Variants in HEXB observed in about 807,000 individuals in gnomAD.
The protein encoded by HEXB is hexosaminidase subunit beta, also known as beta-hexosaminidase subunit beta.
A neutral mutation model predicts 71.2 loss-of-function variants in HEXB; 51 were observed. The observed-to-expected ratio is 0.72, with a 90% CI of 0.57 to 0.90. The LOEUF (loss-of-function observed/expected upper bound fraction) is 0.90, where lower values mean the gene tolerates loss of function less well. Ranked by LOEUF, HEXB falls within the 40% of genes least tolerant of loss-of-function variation. The pLI is 0.00. For synonymous variants in HEXB, 266 were observed against 249.3 expected (o/e 1.07, Z -0.63); for missense variants, 617 against 677.0 (o/e 0.91, Z 0.98).
At chr5:74,694,550 G>A (rs771919019) in intron 3 of HEXB, among the ~76,000 whole-genome samples, 9 of 152,116 alleles carry the variant, frequency 5.9e-5, no homozygotes, top group Non-Finnish European at 1.0e-4. Context: ...GACATTTGCT[G>A]TTCAAAAGTT....
intron 11 of HEXB, 152 bp downstream of exon 11, chr5:74,719,123 G>C (rs141246035): frequency 5.4e-6 from 4 of 735,764 alleles, no homozygotes; most frequent in Non-Finnish European, 9.7e-6. Context: ...TATCTTTTAT[G>C]TTTGATCCTT....
At chr5:74,678,391 C>A (rs1022128254) in intron 1 of HEXB, among the ~76,000 whole-genome samples, 16 of 151,804 alleles carry the variant, frequency 1.1e-4, no homozygotes, top group African/African-American at 3.6e-4. Flanking sequence ...AATATGCAGA[C>A]CAACAGAACA....
rs775599640 is a variant in HEXB at position 74,697,723 on chromosome 5, G to C, written c.669+617G>C. 1.8e-3 allele frequency among the ~76,000 whole-genome samples: 111 copies of C among 61,286 alleles called. 2 individuals are homozygous for C. Among genetic ancestry groups the C allele is most frequent in the Admixed American group, 6.1e-4 (3 of 4,954 alleles). 40.2% of individuals were successfully genotyped at this position (61,286 alleles called of 152,430 possible). ...AGCCTGGGCGACAGAGCAAGACTCT[G>C]TCTCAAAAAAAAAAAAAAAAAAAGG... is the stretch of plus-strand genomic sequence containing the variant. On this transcript the variant is annotated intron_variant, in intron 5 of 13. Transcript: ENST00000261416.
intron 1 of HEXB, among the ~76,000 whole-genome samples, chr5:74,655,066 C>G (rs577052050): frequency 1.3e-5 from 2 of 152,224 alleles, no homozygotes; most frequent in South Asian, 4.1e-4. Flanking sequence ...GTGAGCCCCC[C>G]AAGAGAGGCT....
At chr5:74,666,157 C>G (rs183074153) in intron 1 of HEXB, among the ~76,000 whole-genome samples, 1 of 152,116 alleles carries the variant, frequency 6.6e-6, no homozygotes, top group Non-Finnish European at 1.5e-5. Context: ...TCCAGGGGCT[C>G]GACTGCAAAC....
chr5:74,664,854 C>T (rs886468976), intron 1 of HEXB, among the ~76,000 whole-genome samples: 1 of 152,156 alleles, frequency 6.6e-6, no homozygotes, highest in African/African-American at 2.4e-5. Context: ...TACTATGGAA[C>T]TGTTCCTAAT....
intron 11 of HEXB, chr5:74,720,072 C>CT (rs1411200829): frequency 6.6e-6 from 2 of 301,556 alleles, no homozygotes; most frequent in African/African-American, 2.1e-5. Flanking sequence ...CCCTGGCACA[C>CT]TACTAAATAG....
intron 1 of HEXB, among the ~76,000 whole-genome samples, chr5:74,653,285 G>A (rs928183597): frequency 6.6e-6 from 1 of 152,120 alleles, no homozygotes; most frequent in Admixed American, 6.6e-5. Flanking sequence ...TTTAAAAAAA[G>A]TAGCTGTCCC....
chr5:74,700,704 T>G (rs746946743), intron 5 of HEXB, among the ~76,000 whole-genome samples: 1 of 151,998 alleles, frequency 6.6e-6, no homozygotes, highest in African/African-American at 2.4e-5. Flanking sequence ...CATTTACATT[T>G]TATTTATTTA....
At chr5:74,657,290 A>T (rs974081593) in intron 1 of HEXB, among the ~76,000 whole-genome samples, 2 of 152,110 alleles carry the variant, frequency 1.3e-5, no homozygotes, top group African/African-American at 4.8e-5. Context: ...TTGTCCCCAG[A>T]TACCCACCAC....
At position 74,721,172 on chromosome 5, in the gene HEXB, G is replaced by A. The variant is rs1483775046; in HGVS notation, c.1668G>A (p.Met556Ile). The change falls in exon 14 of 14, where the codon ATG (methionine) becomes ATA (isoleucine). Residue 556 changes from methionine to isoleucine, a missense_variant. Met to Ile is a conservative substitution (Grantham distance 10, BLOSUM62 1). Transcript: ENST00000261416. ...LYAGYCNHEN[M>I] Reference sequence around the variant, plus strand: ...CTGGATATTGTAACCATGAGAACATGTAAAAAATGGAGGGGAAAAAGGCCA... The same window carrying A: ...CTGGATATTGTAACCATGAGAACATATAAAAAATGGAGGGGAAAAAGGCCA... The A allele has an allele frequency of 2.5e-6, 4 of 1,612,320 alleles. No individual in the cohort carries two copies. The highest frequency in any genetic ancestry group is 3.4e-6 in the Non-Finnish European group (4 of 1,178,628).
intron 1 of HEXB, among the ~76,000 whole-genome samples, chr5:74,648,181 A>G (rs1748035697): frequency 6.6e-6 from 1 of 152,234 alleles, no homozygotes; most frequent in Admixed American, 6.5e-5. Context: ...TATAGAGCAT[A>G]AAAGCACTCT....
chr5:74,688,034 C>T (rs905954458), intron 1 of HEXB, among the ~76,000 whole-genome samples: 1 of 152,036 alleles, frequency 6.6e-6, no homozygotes, highest in Non-Finnish European at 1.5e-5. Flanking sequence ...ATTTAATATT[C>T]TGATTTTTGG....
intron 3 of HEXB, among the ~76,000 whole-genome samples, chr5:74,695,347 G>A (rs1260358920): frequency 6.6e-6 from 1 of 150,476 alleles, no homozygotes; most frequent in Non-Finnish European, 1.5e-5. Context: ...GGTACTACAG[G>A]CGCCTGCCAC....
In HEXB at chr5:74,676,043, G is replaced by T. The variant is rs116491695; in HGVS notation, c.-376-13285G>T. On this transcript the variant is annotated intron_variant, in intron 1 of 13. Transcript: ENST00000511181. ...AATTAACAGAAAGTATTTCTAAGTG[G>T]AAAGCCCCAATATGGCAAAGATGTC... Among the ~76,000 whole-genome samples, 668 of 152,342 alleles carry T rather than the reference G, an allele frequency of 4.4e-3. 6 individuals are homozygous for T. Among genetic ancestry groups the T allele is most frequent in the African/African-American group, 0.014 (598 of 41,578 alleles).
At chr5:74,655,283 A>C (rs948643282) in intron 1 of HEXB, among the ~76,000 whole-genome samples, 2 of 151,482 alleles carry the variant, frequency 1.3e-5, no homozygotes, top group Non-Finnish European at 2.9e-5. Flanking sequence ...CTGGACAAAC[A>C]TGGAGATAAT....
intron 6 of HEXB, among the ~76,000 whole-genome samples, chr5:74,708,956 C>T (rs1023962324): frequency 6.6e-6 from 1 of 152,190 alleles, no homozygotes; most frequent in African/African-American, 2.4e-5. Context: ...TAGACATCTA[C>T]AGAACTCTCC....
In HEXB at chr5:74,715,729, A is replaced by AGAG. The variant is rs765354377; in HGVS notation, c.1082+39_1082+40insGAG. On this transcript the variant is annotated intron_variant, in intron 8 of 13. Coordinates refer to ENST00000261416, the MANE Select transcript of HEXB (RefSeq NM_000521.4). ...TTAAAACCCCTTTAAAAAAAAAAAAAAGAGAGGCTGGGTGCGGTGGCTCAC... is the reference window on the plus strand; with the variant it reads ...TTAAAACCCCTTTAAAAAAAAAAAAAGAGAGAGAGGCTGGGTGCGGTGGCTCAC... 5.6e-6 allele frequency: 8 copies of AGAG among 1,424,466 alleles called. No individual in the cohort carries two copies. The East Asian group carries it at 1.8e-4, about 32-fold the overall frequency. 88.2% of individuals were successfully genotyped at this position (1,424,466 alleles called of 1,614,324 possible). A position where few individuals can be genotyped will look rare whatever the true frequency, so the allele number is the denominator to read the frequency against.
In HEXB at chr5:74,685,481, C is replaced by T; in HGVS notation, c.221C>T (p.Pro74Leu). Residue 74 changes from proline to leucine, a missense_variant, in exon 1 of 14, where the codon CCG (proline) becomes CTG (leucine). By Grantham distance (98) the Pro-to-Leu change is moderately conservative. Transcript: ENST00000261416. ...ACCCCGAACCTGCTGCATCTCGCCCCGGAGAACTTCTACATCAGCCACAGC... is the reference window on the plus strand; with the variant it reads ...ACCCCGAACCTGCTGCATCTCGCCCTGGAGAACTTCTACATCAGCCACAGC... ...KMTPNLLHLA[P>L]ENFYISHSPN... 1 of 1,611,392 alleles carries T rather than the reference C, an allele frequency of 6.2e-7. No homozygotes were observed. The highest frequency in any genetic ancestry group is 8.5e-7 in the Non-Finnish European group (1 of 1,179,022).
Sources: allele counts gnomAD v4.1 joint callset (sites outside exome capture counted in the v4.1 genomes callset), GRCh38; gene constraint gnomAD v4.1.1; transcripts MANE v1.5; gene names NCBI Gene and HGNC (gene_info 2026-07-23, HGNC 2026-07-21).